Variants in CWC27 observed in about 807,000 individuals in gnomAD.
The protein encoded by CWC27 is spliceosome-associated protein CWC27 homolog.
A neutral mutation model predicts 63.6 loss-of-function variants in CWC27; 47 were observed. The observed-to-expected ratio is 0.74, with a 90% CI of 0.58 to 0.94. The LOEUF (loss-of-function observed/expected upper bound fraction) is 0.94, where lower values mean the gene tolerates loss of function less well. Among genes scored for constraint, CWC27 ranks in the 40% least tolerant of loss-of-function variants. The pLI, the probability that CWC27 is intolerant of heterozygous loss-of-function variation, is 0.00. For missense variants in CWC27, 495 were observed against 554.3 expected (o/e 0.89, Z 1.07); for synonymous variants, 175 against 179.8 (o/e 0.97, Z 0.22).
intron 10 of CWC27, among the ~76,000 whole-genome samples, chr5:64,833,520 T>C (rs987930766): frequency 1.8e-4 from 27 of 151,896 alleles, no homozygotes; most frequent in African/African-American, 6.5e-4. Flanking sequence ...GGTTGTTAGA[T>C]TGTTTTGCAC....
chr5:64,878,076 AT>A (rs1211425570), intron 10 of CWC27, among the ~76,000 whole-genome samples: 1 of 151,898 alleles, frequency 6.6e-6, no homozygotes, highest in Non-Finnish European at 1.5e-5. Flanking sequence ...TAGAAACATT[AT>A]TTTTTGCCTT....
chr5:64,784,587 G>A (rs546742881), intron 4 of CWC27, among the ~76,000 whole-genome samples: 1 of 152,234 alleles, frequency 6.6e-6, no homozygotes, highest in South Asian at 2.1e-4. Flanking sequence ...GACATCACTA[G>A]TGCATCAGCG....
rs866735278 is a variant in CWC27 at position 64,793,196 on chromosome 5, T to C, written c.669+4176T>C. Among the ~76,000 whole-genome samples, 12 of 152,238 alleles carry C rather than the reference T, an allele frequency of 7.9e-5. No homozygotes were observed. In the South Asian group the frequency reaches 8.3e-4, roughly 11 times the overall value. On this transcript the variant is annotated intron_variant, in intron 7 of 13. Transcript: ENST00000381070. ...CTAGTGGCCTTCATGAGCACTCCCA[T>C]TGAGTCCTAGATAGTGGCTTGTGCA...
Position 64,774,768 on chromosome 5 carries a change from T to C in CWC27, c.120T>C (p.Phe40=). 1 of 1,591,828 alleles carries C rather than the reference T, an allele frequency of 6.3e-7. No individual in the cohort carries two copies. The highest frequency in any genetic ancestry group is 1.1e-5 in the South Asian group (1 of 88,826). Residue 40 remains phenylalanine (F), a synonymous_variant, in exon 2 of 14, where the codon TTT becomes TTC. Transcript: ENST00000381070. ...AAGCTCCTAAAGCTTGCAGAAATTT[T>C]ATCCAACTTTGTTTGGAAGGTATGT... The part of the protein sequence containing the change: ...SKEAPKACRN[F]IQLCLEAYYD...
intron 10 of CWC27, among the ~76,000 whole-genome samples, chr5:64,810,243 C>T (rs891035421): frequency 3.9e-5 from 6 of 152,070 alleles, no homozygotes; most frequent in Non-Finnish European, 4.4e-5. Flanking sequence ...TATCCTGTTT[C>T]ATTGGTTGAG....
intron 11 of CWC27, among the ~76,000 whole-genome samples, chr5:64,909,799 G>A (rs576251218): frequency 4.6e-5 from 7 of 152,210 alleles, no homozygotes; most frequent in Non-Finnish European, 7.4e-5. Context: ...GGTCTTCTCT[G>A]TGCTGTTTAT....
At chr5:64,895,378 C>A (rs1747347758) in intron 11 of CWC27, among the ~76,000 whole-genome samples, 1 of 151,198 alleles carries the variant, frequency 6.6e-6, no homozygotes. Context: ...TGAGGGACAT[C>A]ATGGTCACTT....
chr5:64,799,482 A>G (rs977356138), intron 7 of CWC27, among the ~76,000 whole-genome samples: 16 of 128,366 alleles, frequency 1.2e-4, no homozygotes, highest in African/African-American at 5.1e-4. Context: ...GCTACTTGGG[A>G]GGCTGAGGCA....
chr5:64,972,868 C>G (rs1201805159), intron 12 of CWC27, among the ~76,000 whole-genome samples: 2 of 152,094 alleles, frequency 1.3e-5, no homozygotes, highest in Non-Finnish European at 2.9e-5. Context: ...TCTGATCTAT[C>G]AGGGAAAAGA....
chr5:64,800,881 A>G (rs1744463761), intron 8 of CWC27, among the ~76,000 whole-genome samples: 2 of 152,126 alleles, frequency 1.3e-5, no homozygotes, highest in African/African-American at 4.8e-5. Flanking sequence ...GGGGCACTAC[A>G]ATGCTGTTGT....
At chr5:64,958,953 A>G (rs1489174220) in intron 11 of CWC27, among the ~76,000 whole-genome samples, 5 of 152,132 alleles carry the variant, frequency 3.3e-5, no homozygotes, top group Non-Finnish European at 7.4e-5. Flanking sequence ...CTTTTAACTA[A>G]TTTTCATGAA....
At chr5:64,882,333 G>A (rs1746958872) in intron 10 of CWC27, among the ~76,000 whole-genome samples, 1 of 152,124 alleles carries the variant, frequency 6.6e-6, no homozygotes, top group Non-Finnish European at 1.5e-5. Context: ...AGAAGGAGAC[G>A]ATTTCAGGTT....
Position 64,800,259 on chromosome 5 carries a change from C to T in CWC27, c.681C>T (p.Gly227=). The change falls in exon 8 of 14, where the codon GGC becomes GGT. Residue 227 remains glycine, a synonymous_variant. Transcript: ENST00000381070. ...TACATTCTTTGCAGAGCATGAAGGG[C>T]AAAAGCAAAAGTAGTCATGACTTGC... ...EVNRVSQSMK[G]KSKSSHDLLK... is the part of the protein sequence containing the mutation. The T allele has an allele frequency of 6.2e-7, 1 of 1,610,678 alleles. No individual in the cohort carries two copies.
intron 12 of CWC27, among the ~76,000 whole-genome samples, chr5:64,973,562 C>T (rs1051230282): frequency 5.3e-5 from 8 of 152,200 alleles, no homozygotes; most frequent in African/African-American, 1.4e-4. Context: ...AATCAAAATG[C>T]CTCCATGCAG....
In CWC27 at chr5:64,799,602, A is replaced by ATATG. The variant is rs143997810; in HGVS notation, c.670-646_670-645insTATG. Among the ~76,000 whole-genome samples the ATATG allele has an allele frequency of 1.6e-4, 21 of 132,886 alleles. 1 individual carries two copies. Among genetic ancestry groups the ATATG allele is most frequent in the Admixed American group, 9.1e-4 (13 of 14,220 alleles). The allele number at this position is 132,886 out of a possible 152,430, so 87.2% of individuals were successfully genotyped here. ...TCCATCTCAAAATATATATATATATACTTAATAGCAGCAGTAGTTGTTGTT... is the reference window on the plus strand; with the variant it reads ...TCCATCTCAAAATATATATATATATATATGCTTAATAGCAGCAGTAGTTGTTGTT... On this transcript the variant is annotated intron_variant, in intron 7 of 13. Transcript: ENST00000381070.
intron 11 of CWC27, among the ~76,000 whole-genome samples, chr5:64,893,366 T>C (rs1430888088): frequency 6.6e-6 from 1 of 152,248 alleles, no homozygotes; most frequent in African/African-American, 2.4e-5. Flanking sequence ...TTGGGAAAGA[T>C]ATTCTTTTCA....
intron 9 of CWC27, among the ~76,000 whole-genome samples, 193 bp downstream of exon 9, chr5:64,801,525 G>A (rs1744487392): frequency 6.6e-6 from 1 of 151,550 alleles, no homozygotes; most frequent in Non-Finnish European, 1.5e-5. Flanking sequence ...GGGTGTGCGT[G>A]TGTGTGTGTG....
At chr5:64,915,009 T>A (rs10940012) in intron 11 of CWC27, among the ~76,000 whole-genome samples, 24,111 of 152,150 alleles carry the variant, frequency 0.16, 2,337 homozygotes, top group South Asian at 0.33. Context: ...ATATAAATGA[T>A]GTGATTTCAT....
intron 11 of CWC27, among the ~76,000 whole-genome samples, chr5:64,902,102 C>T (rs1013899549): frequency 5.9e-5 from 9 of 152,138 alleles, no homozygotes; most frequent in African/African-American, 1.9e-4. Context: ...GGTAGGAGTA[C>T]ACTCTAAAAT....
Sources: gnomAD v4.1 joint callset for allele counts (sites outside exome capture counted in the v4.1 genomes callset) on GRCh38, gnomAD v4.1.1 for gene constraint, MANE v1.5 for transcripts, NCBI Gene and HGNC (gene_info 2026-07-23, HGNC 2026-07-21) for gene names.